SCARB1: variants seen among roughly 807,000 people sequenced by gnomAD.
SCARB1 encodes CD36 and LIMPII analogous 1.
A neutral mutation model predicts 57.2 loss-of-function variants in SCARB1; 30 were observed. The ratio of observed to expected loss-of-function variants is 0.52; its 90% confidence interval spans 0.39 to 0.71. The LOEUF (loss-of-function observed/expected upper bound fraction) is 0.71, where lower values mean the gene tolerates loss of function less well. SCARB1 is among the 30% of genes least tolerant of loss of function. SCARB1 has a pLI of 0.00. For missense variants in SCARB1, 543 were observed against 671.2 expected (o/e 0.81, Z 2.11); for synonymous variants, 249 against 268.3 (o/e 0.93, Z 0.70).
chr12:124,848,250 A>AT (rs539738705), intron 1 of SCARB1, among the ~76,000 whole-genome samples: 1 of 152,000 alleles, frequency 6.6e-6, no homozygotes, highest in Non-Finnish European at 1.5e-5. Context: ...TGCCTGGCTA[A>AT]TTTTTTTACT....
intron 9 of SCARB1, among the ~76,000 whole-genome samples, chr12:124,788,747 T>A (rs2135550096): frequency 6.6e-6 from 1 of 152,352 alleles, no homozygotes; most frequent in African/African-American, 2.4e-5. Context: ...TGATCTATAC[T>A]GCCAAACCTA....
chr12:124,831,028 T>G (rs1594328614), intron 1 of SCARB1, among the ~76,000 whole-genome samples: 1 of 149,608 alleles, frequency 6.7e-6, no homozygotes, highest in African/African-American at 2.5e-5. Flanking sequence ...CAGGCTGGAG[T>G]GCAGTGGCGC....
rs924645523 is a variant in SCARB1 at position 124,841,187 on chromosome 12, C to T, written c.126+22408G>A. Among the ~76,000 whole-genome samples, 6 of 151,982 alleles carry T rather than the reference C, an allele frequency of 3.9e-5. No homozygotes were observed. The East Asian group carries it at 7.7e-4, about 20-fold the overall frequency. On this transcript the variant is annotated intron_variant, in intron 1 of 12. Coordinates refer to ENST00000261693, the MANE Select transcript of SCARB1 (RefSeq NM_005505.5). ...GAGATTGAGACCATGCTGGCTAACA[C>T]GGTGAAACCCCGTATCTACTAAAAA...
chr12:124,790,880 G>A (rs1949703477), intron 9 of SCARB1, among the ~76,000 whole-genome samples: 1 of 152,256 alleles, frequency 6.6e-6, no homozygotes, highest in Non-Finnish European at 1.5e-5. Context: ...CTGGCCCGGA[G>A]CTGGCGTCTG....
At chr12:124,861,906 T>C (rs899116666) in intron 1 of SCARB1, among the ~76,000 whole-genome samples, 9 of 144,558 alleles carry the variant, frequency 6.2e-5, no homozygotes, top group African/African-American at 1.8e-4. Flanking sequence ...CCTACTGACA[T>C]ACTTAACCTG....
rs375459321 is a variant in SCARB1, at chr12:124,807,761, T to C, written c.1009A>G (p.Ser337Gly). Residue 337 changes from serine to glycine, a missense_variant and splice_region_variant, in exon 7 of 13, where the codon AGT becomes GGT. Ser to Gly is a moderately conservative substitution (Grantham distance 56). Transcript: ENST00000261693. This position sits in a 1 kb window ranked among gnomAD's most constrained non-coding sequence, Gnocchi z 5.3. ...GIQNVSTCRF[S>G]APLFLSHPHF... is the part of the protein sequence containing the mutation. ...TCCCAGCACAGGGGACGGCACGTAC[T>C]GAACCTGCAGGTGCTGACGTTCTGA... 1 of 1,613,964 alleles carries C rather than the reference T, an allele frequency of 6.2e-7. No homozygotes were observed. Among genetic ancestry groups the C allele is most frequent in the African/African-American group, 1.3e-5 (1 of 74,884 alleles).
At chr12:124,855,062 G>T (rs1197688739) in intron 1 of SCARB1, among the ~76,000 whole-genome samples, 1 of 152,194 alleles carries the variant, frequency 6.6e-6, no homozygotes, top group Non-Finnish European at 1.5e-5. Context: ...GGAGGCATCA[G>T]CAGGCAAGAA....
Position 124,778,384 on chromosome 12 carries a change from G to GTC in SCARB1, c.*201_*202dup. ...TTCAGCAGCAGCTCCATCCCTGAGTGTCTGCACAAGCCTGCACGCATGTGT... is the reference window on the plus strand; with the variant it reads ...TTCAGCAGCAGCTCCATCCCTGAGTGTCTCTGCACAAGCCTGCACGCATGTGT... On this transcript the variant is annotated 3_prime_UTR_variant, in exon 13 of 13. Coordinates refer to ENST00000261693, the MANE Select transcript of SCARB1 (RefSeq NM_005505.5). 1 of 1,205,190 alleles carries GTC rather than the reference G, an allele frequency of 8.3e-7. No individual in the cohort carries two copies. Among genetic ancestry groups the GTC allele is most frequent in the Non-Finnish European group, 1.0e-6 (1 of 957,356 alleles). 74.7% of individuals were successfully genotyped at this position (1,205,190 alleles called of 1,614,324 possible).
At chr12:124,790,004 C>T (rs547597199) in intron 9 of SCARB1, among the ~76,000 whole-genome samples, 3 of 104,814 alleles carry the variant, frequency 2.9e-5, no homozygotes, top group African/African-American at 1.4e-4. Flanking sequence ...AGTGAGACTC[C>T]GTCTCAAAAA....
At chr12:124,806,013 A>G (rs1373141185) in intron 7 of SCARB1, among the ~76,000 whole-genome samples, 2 of 152,126 alleles carry the variant, frequency 1.3e-5, no homozygotes, top group African/African-American at 4.8e-5. Context: ...GGCCGGTGCA[A>G]CCAAGGAACT....
chr12:124,818,172 C>T (rs1234743352), intron 1 of SCARB1, among the ~76,000 whole-genome samples: 1 of 152,146 alleles, frequency 6.6e-6, no homozygotes, highest in East Asian at 1.9e-4. Flanking sequence ...ATGACCAGGA[C>T]AGACCAAAAG....
At chr12:124,855,164 A>T (rs1165669252) in intron 1 of SCARB1, among the ~76,000 whole-genome samples, 1 of 152,200 alleles carries the variant, frequency 6.6e-6, no homozygotes, top group Non-Finnish European at 1.5e-5. Flanking sequence ...GAGAAGGTGT[A>T]AGGAACTTCA....
chr12:124,785,895 T>C, intron 11 of SCARB1: 2 of 655,314 alleles, frequency 3.1e-6, no homozygotes, highest in East Asian at 5.5e-5. Flanking sequence ...ACAGCTCCTA[T>C]CATGAGTGAA....
chr12:124,778,275 C>T lies in SCARB1; in HGVS notation c.*312G>A, dbSNP rs1872695676. ...CCCGAGGAAGGGGACGCAGGACCCACAGCCCCTGTGGTCAGGCCTGTGGGC... is the reference window on the plus strand; with the variant it reads ...CCCGAGGAAGGGGACGCAGGACCCATAGCCCCTGTGGTCAGGCCTGTGGGC... On this transcript the variant is annotated 3_prime_UTR_variant, in exon 13 of 13. Coordinates refer to ENST00000261693, the MANE Select transcript of SCARB1 (RefSeq NM_005505.5). The T allele has an allele frequency of 4.3e-6, 2 of 469,948 alleles. No homozygotes were observed. The highest frequency in any genetic ancestry group is 1.2e-4 in the South Asian group (1 of 8,664). 29.1% of individuals were successfully genotyped at this position (469,948 alleles called of 1,614,324 possible). A position where few individuals can be genotyped will look rare whatever the true frequency, so the allele number is the denominator to read the frequency against.
intron 1 of SCARB1, among the ~76,000 whole-genome samples, chr12:124,860,195 G>C (rs987930627): frequency 6.6e-6 from 1 of 152,070 alleles, no homozygotes; most frequent in Non-Finnish European, 1.5e-5. Context: ...CAGGTGATCC[G>C]GTGAATAATG....
chr12:124,856,432 A>G (rs1952632493), intron 1 of SCARB1, among the ~76,000 whole-genome samples: 1 of 152,262 alleles, frequency 6.6e-6, no homozygotes, highest in African/African-American at 2.4e-5. Context: ...ACACTCACGA[A>G]GACAGGGAGA....
rs962127560 is a variant in SCARB1 at position 124,777,222 on chromosome 12, C to G, written c.*1365G>C. 1.3e-5 allele frequency: 2 copies of G among 152,078 alleles called. No homozygotes were observed. Among genetic ancestry groups the G allele is most frequent in the Non-Finnish European group, 2.9e-5 (2 of 68,018 alleles). 9.4% of individuals were successfully genotyped at this position (152,078 alleles called of 1,614,324 possible). ...AGATGGCTCCAATCTGTTCTCTTACCCGCTTCTCTTCTTCACCATTTATGT... is the reference window on the plus strand; with the variant it reads ...AGATGGCTCCAATCTGTTCTCTTACGCGCTTCTCTTCTTCACCATTTATGT... On this transcript the variant is annotated 3_prime_UTR_variant, in exon 13 of 13. Coordinates refer to ENST00000261693, the MANE Select transcript of SCARB1 (RefSeq NM_005505.5).
chr12:124,785,768 A>T, intron 11 of SCARB1: 1 of 392,364 alleles, frequency 2.5e-6, no homozygotes, highest in Non-Finnish European at 4.6e-6. Flanking sequence ...ATTTGGGTTA[A>T]ATAAGATTAA....
chr12:124,821,517 C>T, intron 1 of SCARB1: 1 of 985,326 alleles, frequency 1.0e-6, no homozygotes, highest in African/African-American at 1.7e-5. Flanking sequence ...AAGAGGCTTT[C>T]AGGCCCTGGG....
Sources: allele counts gnomAD v4.1 joint callset (sites outside exome capture counted in the v4.1 genomes callset), GRCh38; gene constraint gnomAD v4.1.1; non-coding constraint Gnocchi (gnomAD v3.1); transcripts MANE v1.5; gene names NCBI Gene and HGNC (gene_info 2026-07-23, HGNC 2026-07-21).